The following CPQ variants were observed in gnomAD, a reference collection of about 807,000 sequenced individuals.
CPQ encodes Ser-Met dipeptidase.
CPQ carries 37 observed loss-of-function variants against 45.7 expected under a neutral mutation model. That is an observed-to-expected ratio of 0.81 (90% CI 0.62 to 1.07). The LOEUF (loss-of-function observed/expected upper bound fraction) is 1.07. Among genes scored for constraint, CPQ ranks in the 50% least tolerant of loss-of-function variants. CPQ has a pLI of 0.00. For missense variants in CPQ, 537 were observed against 572.9 expected (o/e 0.94, Z 0.64); for synonymous variants, 186 against 205.8 (o/e 0.90, Z 0.82).
intron 2 of CPQ, 82 bp from the exon 3 acceptor site, chr8:96,834,891 G>GC (rs1811506482): frequency 3.4e-6 from 4 of 1,164,466 alleles, no homozygotes. Context: ...AGCAGAAAGA[G>GC]CATGTATGTG....
At chr8:97,003,318 G>T (rs1476600646) in intron 5 of CPQ, among the ~76,000 whole-genome samples, 2 of 152,044 alleles carry the variant, frequency 1.3e-5, no homozygotes, top group East Asian at 3.8e-4. Flanking sequence ...TGATTATTTT[G>T]CAGACTTGTT....
At chr8:96,937,744 G>T (rs534005386) in intron 4 of CPQ, among the ~76,000 whole-genome samples, 1 of 152,254 alleles carries the variant, frequency 6.6e-6, no homozygotes, top group South Asian at 2.1e-4. Context: ...TCTGTCGAGC[G>T]ACTCTAGAGG....
At chr8:96,763,374 C>T (rs1810429292) in intron 1 of CPQ, among the ~76,000 whole-genome samples, 1 of 151,992 alleles carries the variant, frequency 6.6e-6, no homozygotes, top group African/African-American at 2.4e-5. Context: ...GCCTTTGTAC[C>T]TTTCTCAAGA....
chr8:96,844,862 A>C (rs1459987916), intron 3 of CPQ, among the ~76,000 whole-genome samples: 1 of 152,162 alleles, frequency 6.6e-6, no homozygotes, highest in Non-Finnish European at 1.5e-5. Flanking sequence ...TTGACTAAAA[A>C]CTATGCACTT....
intron 2 of CPQ, among the ~76,000 whole-genome samples, chr8:96,809,178 C>CTA (rs1811126498): frequency 6.6e-6 from 1 of 151,638 alleles, no homozygotes; most frequent in African/African-American, 2.4e-5. Flanking sequence ...ATATATTGAA[C>CTA]TATATATATA....
chr8:97,045,331 C>G (rs1810226618), intron 6 of CPQ, among the ~76,000 whole-genome samples: 1 of 152,200 alleles, frequency 6.6e-6, no homozygotes, highest in Admixed American at 6.5e-5. Context: ...ATTTTTTAAG[C>G]CCGTCGGAAA....
chr8:97,010,180 T>C (rs1809460620), intron 5 of CPQ, among the ~76,000 whole-genome samples: 1 of 152,218 alleles, frequency 6.6e-6, no homozygotes, highest in Non-Finnish European at 1.5e-5. Flanking sequence ...CAGATTGTTA[T>C]TGAAGTCCAG....
intron 7 of CPQ, among the ~76,000 whole-genome samples, chr8:97,137,090 G>A (rs1239561241): frequency 6.6e-6 from 1 of 152,310 alleles, no homozygotes; most frequent in Middle Eastern, 3.4e-3. Context: ...GATAGAACAC[G>A]TTTTGGAGTT....
chr8:96,769,452 A>T (rs1810511294), intron 1 of CPQ, among the ~76,000 whole-genome samples: 1 of 152,082 alleles, frequency 6.6e-6, no homozygotes. Flanking sequence ...GTATGACAGA[A>T]TCACAGATCA....
At chr8:96,718,602 C>A (rs1406600088) in intron 1 of CPQ, among the ~76,000 whole-genome samples, 1 of 152,152 alleles carries the variant, frequency 6.6e-6, no homozygotes, top group Non-Finnish European at 1.5e-5. Flanking sequence ...AAGAACAAAG[C>A]TTCCACAGCG....
chr8:96,710,295 T>C (rs752694512), intron 1 of CPQ, among the ~76,000 whole-genome samples: 10 of 152,084 alleles, frequency 6.6e-5, no homozygotes, highest in Non-Finnish European at 1.5e-4. Flanking sequence ...TTTGTTTATA[T>C]TTTTAAAGAA....
chr8:97,130,198 C>A (rs530767922), intron 7 of CPQ, among the ~76,000 whole-genome samples: 1 of 152,248 alleles, frequency 6.6e-6, no homozygotes, highest in South Asian at 2.1e-4. Context: ...TCCTCTCCAC[C>A]TTTTATCAAG....
chr8:97,077,647 A>G (rs978010325), intron 7 of CPQ, among the ~76,000 whole-genome samples: 4 of 152,350 alleles, frequency 2.6e-5, no homozygotes, highest in African/African-American at 7.2e-5. Context: ...GCATCCACAT[A>G]TATTTATGCA....
At chr8:96,736,746 G>T (rs958715165) in intron 1 of CPQ, among the ~76,000 whole-genome samples, 2 of 152,114 alleles carry the variant, frequency 1.3e-5, no homozygotes, top group Non-Finnish European at 2.9e-5. Context: ...CTACTACTTG[G>T]TTATTATAGA....
intron 4 of CPQ, among the ~76,000 whole-genome samples, chr8:96,925,965 G>T (rs1812868979): frequency 6.6e-6 from 1 of 152,162 alleles, no homozygotes; most frequent in South Asian, 2.1e-4. Flanking sequence ...TGATATTACA[G>T]GCATGAGCCA....
intron 6 of CPQ, among the ~76,000 whole-genome samples, chr8:97,037,484 T>G (rs943711376): frequency 6.6e-6 from 1 of 152,200 alleles, no homozygotes; most frequent in Non-Finnish European, 1.5e-5. Flanking sequence ...GAGGTGATTG[T>G]CTCAATCATT....
At chr8:97,088,738 TA>T (rs1394614439) in intron 7 of CPQ, among the ~76,000 whole-genome samples, 1 of 152,210 alleles carries the variant, frequency 6.6e-6, no homozygotes, top group Non-Finnish European at 1.5e-5. Context: ...GCCTAGCTTT[TA>T]AAAAATGCTA....
At chr8:96,901,667 T>TA (rs1258348877) in intron 4 of CPQ, among the ~76,000 whole-genome samples, 1 of 152,206 alleles carries the variant, frequency 6.6e-6, no homozygotes, top group East Asian at 1.9e-4. Context: ...AACAAGGACT[T>TA]ACATGTGAGT....
In CPQ at chr8:97,066,222, A is replaced by T; in HGVS notation, c.1255+12A>T. 1 of 1,605,782 alleles carries T rather than the reference A, an allele frequency of 6.2e-7. No homozygotes were observed. The highest frequency in any genetic ancestry group is 1.1e-5 in the South Asian group (1 of 89,378). ...AGCTGGAGTGCCTGGTAAGACCAAA[A>T]GATGAAGTTGTGTTCCTTATATATT... On this transcript the variant is annotated intron_variant, in intron 7 of 7. Coordinates refer to ENST00000220763, the MANE Select transcript of CPQ (RefSeq NM_016134.4).
Sources: allele counts gnomAD v4.1 joint callset (sites outside exome capture counted in the v4.1 genomes callset), GRCh38; gene constraint gnomAD v4.1.1; transcripts MANE v1.5; gene names NCBI Gene and HGNC (gene_info 2026-07-23, HGNC 2026-07-21).